WDFY4: variants seen among roughly 807,000 people sequenced by gnomAD.
The protein encoded by WDFY4 is WDFY family member 4.
WDFY4 carries 169 observed loss-of-function variants against 351.9 expected under a neutral mutation model. The ratio of observed to expected loss-of-function variants is 0.48; its 90% CI spans 0.42 to 0.55. The LOEUF is 0.55. WDFY4 is among the 20% of genes least tolerant of loss of function. The pLI is 0.00. For synonymous variants in WDFY4, 1,622 were observed against 1,574.6 expected, an observed-to-expected ratio of 1.03 and a Z score of -0.71; for missense variants, 3,803 against 3,935.6, an observed-to-expected ratio of 0.97 and a Z score of 0.90.
At chr10:48,959,648 T>C (rs1268612226) in intron 52 of WDFY4, 74 bp from the exon 53 acceptor site, 6 of 1,336,688 alleles carry the variant, frequency 4.5e-6, no homozygotes, top group Non-Finnish European at 5.2e-6. Context: ...TCCTGGGCAA[T>C]GTGTATTTTA....
intron 6 of WDFY4, 79 bp from the exon 7 acceptor site, chr10:48,727,391 T>C: frequency 7.3e-7 from 1 of 1,362,808 alleles, no homozygotes; most frequent in Non-Finnish European, 1.0e-6. Flanking sequence ...TTGTTTGGAG[T>C]AGGGGAGGTA....
chr10:48,778,011 G>C (rs1454560896), intron 17 of WDFY4, among the ~76,000 whole-genome samples: 1 of 152,196 alleles, frequency 6.6e-6, no homozygotes, highest in Non-Finnish European at 1.5e-5. Context: ...GTTGAGAATA[G>C]ACCAATCTTT....
At position 48,928,944 on chromosome 10, in the gene WDFY4, C is replaced by T. The variant is rs147968422; in HGVS notation, c.7587-12862C>T. ...CCAGGCAGCAAAGAAAATGAAGGTC[C>T]CGCTCACATTCTAGAAAAATCAAGC... is the stretch of plus-strand genomic sequence containing the variant. On this transcript the variant is annotated intron_variant, in intron 47 of 61. Coordinates refer to ENST00000325239, the MANE Select transcript of WDFY4 (RefSeq NM_001394531.1). 1.7e-3 allele frequency among the ~76,000 whole-genome samples: 259 copies of T among 152,238 alleles called. 1 individual carries two copies. Among genetic ancestry groups the T allele is most frequent in the African/African-American group, 5.8e-3 (241 of 41,534 alleles).
chr10:48,800,354 G>A (rs1338517511), intron 24 of WDFY4, among the ~76,000 whole-genome samples: 2 of 152,202 alleles, frequency 1.3e-5, no homozygotes, highest in African/African-American at 2.4e-5. Context: ...GGTGGGATCC[G>A]TGATGACTGG....
intron 47 of WDFY4, among the ~76,000 whole-genome samples, chr10:48,928,116 T>C (rs1478399315): frequency 6.6e-6 from 1 of 152,088 alleles, no homozygotes; most frequent in Non-Finnish European, 1.5e-5. Flanking sequence ...TCCTCACAGC[T>C]CCTCTCCTCC....
chr10:48,926,846 G>A (rs984713420), intron 47 of WDFY4, among the ~76,000 whole-genome samples: 2 of 152,222 alleles, frequency 1.3e-5, no homozygotes, highest in African/African-American at 4.8e-5. Context: ...ATAGGCATGT[G>A]TCCCCAAGTA....
intron 12 of WDFY4, among the ~76,000 whole-genome samples, chr10:48,746,993 C>T (rs1253365448): frequency 6.6e-6 from 1 of 152,196 alleles, no homozygotes; most frequent in African/African-American, 2.4e-5. Context: ...CATCTCTATC[C>T]TTCCATCTGG....
Position 48,978,358 on chromosome 10 carries a change from G to C in WDFY4, c.9341G>C (p.Gly3114Ala). Residue 3114 changes from glycine (G) to alanine (A), a missense_variant, in exon 60 of 62, where the codon GGA (glycine) becomes GCA (alanine). Physicochemically the swap from Gly to Ala is moderately conservative, Grantham distance 60. Coordinates refer to ENST00000325239, the MANE Select transcript of WDFY4 (RefSeq NM_001394531.1). Reference sequence around the variant, plus strand: ...ATGTCTGTTCCTGGACGGCCAGCAGGAGAGGAGCCCCCGGCTCAGCCTCCA... The same window carrying C: ...ATGTCTGTTCCTGGACGGCCAGCAGCAGAGGAGCCCCCGGCTCAGCCTCCA... ...VKMSVPGRPA[G>A]EEPPAQPPSP... The C allele has an allele frequency of 1.9e-6, 3 of 1,551,478 alleles. No individual in the cohort carries two copies. Among genetic ancestry groups the C allele is most frequent in the Non-Finnish European group, 2.6e-6 (3 of 1,146,886 alleles).
intron 51 of WDFY4, among the ~76,000 whole-genome samples, chr10:48,948,399 C>T (rs538653122): frequency 2.6e-4 from 39 of 152,316 alleles, no homozygotes; most frequent in African/African-American, 9.1e-4. Context: ...TCACCGTTGA[C>T]GATGATAGTG....
intron 13 of WDFY4, among the ~76,000 whole-genome samples, chr10:48,760,645 C>T (rs529921414): frequency 1.3e-5 from 2 of 152,350 alleles, no homozygotes; most frequent in Admixed American, 1.3e-4. Flanking sequence ...GCAAGGCCAT[C>T]CAAAACAGAT....
intron 59 of WDFY4, among the ~76,000 whole-genome samples, chr10:48,977,544 A>G (rs1018863924): frequency 6.6e-6 from 1 of 152,112 alleles, no homozygotes; most frequent in Non-Finnish European, 1.5e-5. Flanking sequence ...ATAGGACTTT[A>G]TCTGTGGCCT....
At chr10:48,705,402 C>T (rs2063599495) in intron 1 of WDFY4, among the ~76,000 whole-genome samples, 1 of 152,216 alleles carries the variant, frequency 6.6e-6, no homozygotes, top group Admixed American at 6.5e-5. Flanking sequence ...GGGACTCCCA[C>T]AGTGACCCTA....
At position 48,969,005 on chromosome 10, in the gene WDFY4, C is replaced by A. The variant is rs374343347; in HGVS notation, c.8585-59C>A. The A allele has an allele frequency of 2.0e-6, 3 of 1,515,956 alleles. No homozygotes were observed. In the African/African-American group the frequency reaches 4.1e-5, roughly 21 times the overall value. 93.9% of individuals were successfully genotyped at this position (1,515,956 alleles called of 1,614,324 possible). On this transcript the variant is annotated intron_variant, in intron 55 of 61. Coordinates refer to ENST00000325239, the MANE Select transcript of WDFY4 (RefSeq NM_001394531.1). ...CTGCCTGTGACTCCTGCCTGGGGGC[C>A]CAGCTGTAGTGGGTGCTGTTCTTCC...
intron 47 of WDFY4, among the ~76,000 whole-genome samples, chr10:48,907,519 A>G (rs527280754): frequency 1.3e-5 from 2 of 152,198 alleles, no homozygotes; most frequent in Non-Finnish European, 2.9e-5. Flanking sequence ...TTTTCAGTTT[A>G]TTGTCTCCTT....
intron 51 of WDFY4, among the ~76,000 whole-genome samples, chr10:48,955,414 C>T (rs1031433186): frequency 6.6e-6 from 1 of 152,212 alleles, no homozygotes; most frequent in African/African-American, 2.4e-5. Context: ...TCAAGATGTC[C>T]AGGTGTGGCC....
chr10:48,863,735 A>T (rs1469161900), intron 39 of WDFY4, among the ~76,000 whole-genome samples: 1 of 151,962 alleles, frequency 6.6e-6, no homozygotes, highest in Non-Finnish European at 1.5e-5. Flanking sequence ...GTCCGTTTTC[A>T]TATTGCTATA....
chr10:48,709,009 C>CT (rs368480370), intron 1 of WDFY4, among the ~76,000 whole-genome samples: 970 of 71,346 alleles, frequency 0.014, 9 homozygotes, highest in African/African-American at 0.06. Context: ...CAAACAACAC[C>CT]CCCCCCCCCC....
At chr10:48,875,387 A>G (rs2069957195) in intron 42 of WDFY4, among the ~76,000 whole-genome samples, 2 of 152,180 alleles carry the variant, frequency 1.3e-5, no homozygotes. Context: ...AGTCTTGTCA[A>G]TTTGCTATAT....
intron 35 of WDFY4, chr10:48,823,741 G>T: frequency 1.0e-6 from 1 of 992,136 alleles, no homozygotes; most frequent in Non-Finnish European, 1.2e-6. Context: ...TGCCAGTGGG[G>T]GCCACCGTGC....
Sources: allele counts gnomAD v4.1 joint callset (sites outside exome capture counted in the v4.1 genomes callset), GRCh38; gene constraint gnomAD v4.1.1; transcripts MANE v1.5; gene names NCBI Gene and HGNC (gene_info 2026-07-23, HGNC 2026-07-21).